Variants in L3MBTL4 observed in about 807,000 individuals in gnomAD.
L3MBTL4 encodes lethal(3)malignant brain tumor-like protein 4.
In L3MBTL4, 70 loss-of-function variants were observed where a neutral mutation model predicts 84.5. The ratio of observed to expected loss-of-function variants is 0.83; its 90% CI spans 0.68 to 1.01. The LOEUF is 1.01. Among genes scored for constraint, L3MBTL4 ranks in the 50% least tolerant of loss-of-function variants. The pLI, the probability that L3MBTL4 is intolerant of heterozygous loss-of-function variation, is 0.00. For missense variants in L3MBTL4, 715 were observed against 754.8 expected (o/e 0.95, Z 0.62); for synonymous variants, 274 against 259.8 (o/e 1.05, Z -0.52).
At chr18:6,148,947 T>C (rs548075856) in intron 13 of L3MBTL4, among the ~76,000 whole-genome samples, 2 of 152,228 alleles carry the variant, frequency 1.3e-5, no homozygotes, top group South Asian at 4.1e-4. Flanking sequence ...TTTTAAGAAA[T>C]AAATAAGACA....
intron 16 of L3MBTL4, among the ~76,000 whole-genome samples, chr18:6,007,560 C>G (rs2054547885): frequency 6.6e-6 from 1 of 151,976 alleles, no homozygotes; most frequent in African/African-American, 2.4e-5. Flanking sequence ...ATTAAAGTAA[C>G]AAATGTATAT....
chr18:6,354,560 A>T (rs1252416560), intron 1 of L3MBTL4, among the ~76,000 whole-genome samples: 1 of 152,194 alleles, frequency 6.6e-6, no homozygotes, highest in African/African-American at 2.4e-5. Context: ...CAGAATAAAT[A>T]AGGAGCTCAA....
intron 13 of L3MBTL4, among the ~76,000 whole-genome samples, chr18:6,165,175 A>T (rs1237547750): frequency 6.6e-6 from 1 of 152,226 alleles, no homozygotes; most frequent in Non-Finnish European, 1.5e-5. Flanking sequence ...GAAATATGGG[A>T]CTATGTGAAA....
Position 5,982,750 on chromosome 18 carries a change from C to T in L3MBTL4, c.1445-13188G>A, listed in dbSNP as rs76090610. 8.1e-3 allele frequency among the ~76,000 whole-genome samples: 1,231 copies of T among 152,302 alleles called. 16 individuals are homozygous for T. The highest frequency in any genetic ancestry group is 0.027 in the African/African-American group (1,131 of 41,554). ...GAGATTGGATCAAAGCTACTATATT[C>T]ATCACACATATGCTTAAGAGGGATA... On this transcript the variant is annotated intron_variant, in intron 16 of 18. Coordinates refer to ENST00000317931, the MANE Select transcript of L3MBTL4 (RefSeq NM_001330559.2).
At chr18:6,084,585 C>A (rs1248682249) in intron 15 of L3MBTL4, among the ~76,000 whole-genome samples, 1 of 152,198 alleles carries the variant, frequency 6.6e-6, no homozygotes, top group East Asian at 1.9e-4. Flanking sequence ...TCTCCAAACT[C>A]AATCAACATT....
chr18:6,331,565 C>T (rs529005102), intron 1 of L3MBTL4, among the ~76,000 whole-genome samples: 2 of 152,098 alleles, frequency 1.3e-5, no homozygotes, highest in East Asian at 3.9e-4. Flanking sequence ...TAAGAAGCAA[C>T]AAACAGAAGC....
intron 16 of L3MBTL4, among the ~76,000 whole-genome samples, chr18:6,004,997 ATTTTTTTT>A (rs60294342): frequency 5.4e-4 from 28 of 52,150 alleles, no homozygotes; most frequent in Admixed American, 1.0e-3. Context: ...TAAGATGATA[ATTTTTTTT>A]TTTTTTTTTT....
chr18:6,228,152 C>CA (rs1293063626), intron 10 of L3MBTL4, among the ~76,000 whole-genome samples: 1 of 152,104 alleles, frequency 6.6e-6, no homozygotes, highest in African/African-American at 2.4e-5. Context: ...ATAAAGATGC[C>CA]AAGGTAATTC....
intron 1 of L3MBTL4, among the ~76,000 whole-genome samples, chr18:6,351,670 G>A (rs551888920): frequency 3.3e-5 from 5 of 151,888 alleles, no homozygotes; most frequent in Admixed American, 2.0e-4. Flanking sequence ...TCCTGCCTCA[G>A]CCTCCCGAGT....
intron 1 of L3MBTL4, among the ~76,000 whole-genome samples, chr18:6,344,688 T>A (rs2052786306): frequency 6.6e-6 from 1 of 152,164 alleles, no homozygotes; most frequent in Non-Finnish European, 1.5e-5. Flanking sequence ...TACACTCTCA[T>A]CAAGTGGGAC....
chr18:6,247,820 T>C (rs1297974272), intron 5 of L3MBTL4, among the ~76,000 whole-genome samples: 1 of 151,824 alleles, frequency 6.6e-6, no homozygotes, highest in Non-Finnish European at 1.5e-5. Flanking sequence ...TTTGGGTCTG[T>C]CTGATGCTTC....
Position 6,381,164 on chromosome 18 carries a change from T to C in L3MBTL4, c.-91+33637A>G, listed in dbSNP as rs143270879. 3.5e-4 allele frequency among the ~76,000 whole-genome samples: 54 copies of C among 152,280 alleles called. No homozygotes were observed. The East Asian group carries it at 6.7e-3, about 19-fold the overall frequency. ...CTCCTGCTTTTTTTATTTTTAATTT[T>C]TTTTCTTTCCATTTGCTTGGTAAAT... On this transcript the variant is annotated intron_variant, in intron 1 of 18. Transcript: ENST00000317931.
chr18:6,053,822 G>A (rs1190707679), intron 16 of L3MBTL4, among the ~76,000 whole-genome samples: 3 of 152,148 alleles, frequency 2.0e-5, no homozygotes, highest in Non-Finnish European at 4.4e-5. Context: ...TCACAGTCTA[G>A]TGGGCACATA....
At chr18:6,226,472 G>T (rs966206459) in intron 10 of L3MBTL4, among the ~76,000 whole-genome samples, 2 of 151,792 alleles carry the variant, frequency 1.3e-5, no homozygotes, top group African/African-American at 4.8e-5. Context: ...AACAAATACG[G>T]TAACAGCCTT....
intron 12 of L3MBTL4, among the ~76,000 whole-genome samples, chr18:6,198,608 C>T (rs1278759278): frequency 2.6e-5 from 4 of 152,144 alleles, no homozygotes; most frequent in Admixed American, 2.6e-4. Flanking sequence ...TAAGCTTCAT[C>T]AAAATCAATC....
intron 18 of L3MBTL4, 83 bp from the exon 19 acceptor site, chr18:5,956,470 G>T: frequency 1.5e-6 from 2 of 1,334,838 alleles, no homozygotes; most frequent in Non-Finnish European, 2.1e-6. Flanking sequence ...GGTTCTGAGT[G>T]TGATGTGGAA....
intron 14 of L3MBTL4, among the ~76,000 whole-genome samples, chr18:6,110,022 G>A (rs1447436088): frequency 2.6e-5 from 4 of 151,972 alleles, no homozygotes; most frequent in Non-Finnish European, 4.4e-5. Flanking sequence ...TCAGTCTGTA[G>A]AGCCAAGGAC....
At chr18:6,112,266 C>T (rs1240973010) in intron 14 of L3MBTL4, among the ~76,000 whole-genome samples, 1 of 152,148 alleles carries the variant, frequency 6.6e-6, no homozygotes, top group Non-Finnish European at 1.5e-5. Context: ...GACTTTTAAA[C>T]CTATTTTTAA....
At chr18:6,305,005 A>G (rs2050519145) in intron 3 of L3MBTL4, among the ~76,000 whole-genome samples, 1 of 152,206 alleles carries the variant, frequency 6.6e-6, no homozygotes, top group Non-Finnish European at 1.5e-5. Context: ...ATTCCACACA[A>G]AAACAACATT....
Sources: allele counts gnomAD v4.1 joint callset (sites outside exome capture counted in the v4.1 genomes callset), GRCh38; gene constraint gnomAD v4.1.1; transcripts MANE v1.5; gene names NCBI Gene and HGNC (gene_info 2026-07-23, HGNC 2026-07-21).